The following CCDC30 variants were observed in gnomAD, a reference collection of about 807,000 sequenced individuals.
CCDC30 encodes coiled-coil domain-containing protein 30.
CCDC30 carries 70 observed loss-of-function variants against 100.2 expected under a neutral mutation model. That is an observed-to-expected ratio of 0.70 (90% CI 0.58 to 0.85). The LOEUF (loss-of-function observed/expected upper bound fraction) is 0.85. Among genes scored for constraint, CCDC30 ranks in the 40% least tolerant of loss-of-function variants. The pLI, the probability that CCDC30 is intolerant of heterozygous loss-of-function variation, is 0.00. For synonymous variants in CCDC30, 233 were observed against 269.5 expected, an observed-to-expected ratio of 0.86 and a Z score of 1.33; for missense variants, 652 against 771.2, an observed-to-expected ratio of 0.85 and a Z score of 1.83.
At chr1:42,556,331 G>C (rs376480393) in intron 6 of CCDC30, 2 of 1,613,950 alleles carry the variant, frequency 1.2e-6, no homozygotes, top group Non-Finnish European at 1.7e-6. Flanking sequence ...GCTTAGAGAA[G>C]AGCTGAGCCA....
At position 42,471,228 on chromosome 1, in the gene CCDC30, T is replaced by A. The variant is rs142933329; in HGVS notation, c.-92+7330T>A. Among the ~76,000 whole-genome samples, 803 of 152,266 alleles carry A rather than the reference T, an allele frequency of 5.3e-3. 6 individuals carry two copies. Among genetic ancestry groups the A allele is most frequent in the African/African-American group, 0.018 (750 of 41,540 alleles). On this transcript the variant is annotated intron_variant, in intron 1 of 16. Coordinates refer to ENST00000668663, the Ensembl canonical transcript of CCDC30. The stretch of plus-strand genomic sequence containing the variant: ...GTCCTACTGATCAGCAAGGATCAGA[T>A]CCAAAGGTATTTTCCAATATCCTGA...
At chr1:42,573,582 T>C (rs1436375981) in intron 7 of CCDC30, among the ~76,000 whole-genome samples, 2 of 152,146 alleles carry the variant, frequency 1.3e-5, no homozygotes, top group African/African-American at 4.8e-5. Flanking sequence ...CCTTTCATTC[T>C]TTTTTCTTGT....
At chr1:42,639,153 A>G (rs972810252) in intron 12 of CCDC30, among the ~76,000 whole-genome samples, 2 of 152,176 alleles carry the variant, frequency 1.3e-5, no homozygotes, top group African/African-American at 4.8e-5. Flanking sequence ...GTCTTTGCAG[A>G]TACAATTAGT....
intron 11 of CCDC30, among the ~76,000 whole-genome samples, chr1:42,627,102 A>T (rs867303432): frequency 6.6e-6 from 1 of 152,198 alleles, no homozygotes; most frequent in Non-Finnish European, 1.5e-5. Flanking sequence ...TTGACAAAAA[A>T]TGCTGATAGT....
chr1:42,631,876 T>G (rs1193766619), intron 11 of CCDC30, among the ~76,000 whole-genome samples: 1 of 152,102 alleles, frequency 6.6e-6, no homozygotes. Flanking sequence ...CTCAGGATAA[T>G]GGGCTCCCTT....
At chr1:42,490,935 C>T (rs1422417367) in intron 4 of CCDC30, among the ~76,000 whole-genome samples, 1 of 152,126 alleles carries the variant, frequency 6.6e-6, no homozygotes, top group African/African-American at 2.4e-5. Flanking sequence ...ACTGGAAAGC[C>T]AGTAGGCTTG....
chr1:42,534,182 T>TA (rs764497030), intron 6 of CCDC30, among the ~76,000 whole-genome samples: 72 of 152,096 alleles, frequency 4.7e-4, no homozygotes, highest in Non-Finnish European at 3.1e-4. Context: ...AGCATTGAAA[T>TA]ACATGACATT....
chr1:42,459,194 G>A (rs55894738), upstream of CCDC30: 28,792 of 138,860 alleles, frequency 0.21, 3,144 homozygotes, highest in East Asian at 0.42. Flanking sequence ...ACAAGGTGTC[G>A]CTCTGTTGCC....
chr1:42,544,602 C>T (rs966241951), intron 6 of CCDC30, among the ~76,000 whole-genome samples: 2 of 152,142 alleles, frequency 1.3e-5, no homozygotes, highest in Non-Finnish European at 2.9e-5. Flanking sequence ...GCAATCTCCA[C>T]CTCCCAGGCT....
intron 11 of CCDC30, among the ~76,000 whole-genome samples, chr1:42,611,322 T>C (rs1474614568): frequency 6.6e-6 from 1 of 152,184 alleles, no homozygotes; most frequent in African/African-American, 2.4e-5. Flanking sequence ...TCATTGAGCT[T>C]TGATGGTATT....
At chr1:42,489,029 AC>A (rs34974316) in intron 3 of CCDC30, among the ~76,000 whole-genome samples, 52,805 of 151,900 alleles carry the variant, frequency 0.35, 9,336 homozygotes, top group East Asian at 0.39. Context: ...GTTCTGTCCT[AC>A]CTCCTATATT....
chr1:42,476,994 A>T (rs1289070905), intron 1 of CCDC30, among the ~76,000 whole-genome samples: 2 of 149,102 alleles, frequency 1.3e-5, no homozygotes, highest in East Asian at 3.9e-4. Flanking sequence ...TCTACTGGGT[A>T]GACTGAATTT....
intron 6 of CCDC30, 122 bp from the exon 8 acceptor site, chr1:42,539,051 G>A: frequency 1.5e-6 from 1 of 670,412 alleles, no homozygotes; most frequent in Non-Finnish European, 2.3e-6. Context: ...AGGATAGGTT[G>A]GAATATTTAA....
At chr1:42,456,603 C>T in the CCDC30 span, 4 of 1,517,852 alleles carry the variant, frequency 2.6e-6, no homozygotes, top group African/African-American at 1.4e-5. Flanking sequence ...TTCCCCCAGC[C>T]TCCCGGTGCT....
chr1:42,456,593 T>G, the CCDC30 span: 2 of 1,504,340 alleles, frequency 1.3e-6, no homozygotes, highest in African/African-American at 1.4e-5. Context: ...GGTAGCCGAG[T>G]TCCCCCAGCC....
At chr1:42,604,181 C>T (rs2148629786) in intron 10 of CCDC30, among the ~76,000 whole-genome samples, 1 of 152,118 alleles carries the variant, frequency 6.6e-6, no homozygotes, top group South Asian at 2.1e-4. Context: ...ACCACTGCAC[C>T]CCACCCCAGC....
chr1:42,621,561 G>C (rs1646832811), intron 11 of CCDC30, among the ~76,000 whole-genome samples: 1 of 151,560 alleles, frequency 6.6e-6, no homozygotes, highest in Non-Finnish European at 1.5e-5. Flanking sequence ...GTCTAGGCTG[G>C]AGTGCAGTGG....
intron 10 of CCDC30, among the ~76,000 whole-genome samples, chr1:42,605,374 C>G (rs533041288): frequency 4.4e-4 from 67 of 152,306 alleles, no homozygotes; most frequent in South Asian, 6.2e-4. Context: ...CTGCTTAAAC[C>G]TTTGGATGCC....
intron 10 of CCDC30, chr1:42,593,358 T>C (rs1160190768): frequency 1.3e-5 from 2 of 152,162 alleles, no homozygotes; most frequent in African/African-American, 4.8e-5. Context: ...AAGAGATGCA[T>C]AGGGCAAGGC....
Sources: allele counts gnomAD v4.1 joint callset (sites outside exome capture counted in the v4.1 genomes callset), GRCh38; gene constraint gnomAD v4.1.1; transcripts MANE v1.5; gene names NCBI Gene and HGNC (gene_info 2026-07-23, HGNC 2026-07-21).